Variants in AP4S1 observed in about 807,000 individuals in gnomAD.
AP4S1 encodes AP-4 complex subunit sigma-1.
In AP4S1, 23 loss-of-function variants were observed where a neutral mutation model predicts 19.8. That is an observed-to-expected ratio of 1.16 (90% confidence interval 0.84 to 1.65). The LOEUF (loss-of-function observed/expected upper bound fraction) is 1.65. Ranked by LOEUF, AP4S1 falls within the 40% of genes most tolerant of loss-of-function variation. The pLI, the probability that AP4S1 is intolerant of heterozygous loss-of-function variation, is 0.00. For missense variants in AP4S1, 166 were observed against 172.8 expected (o/e 0.96, Z 0.22); for synonymous variants, 46 against 54.1 (o/e 0.85, Z 0.66).
intron 1 of AP4S1, among the ~76,000 whole-genome samples, chr14:31,051,061 C>G (rs1222197995): frequency 6.6e-6 from 1 of 151,692 alleles, no homozygotes; most frequent in East Asian, 1.9e-4. Flanking sequence ...TCAAAACCAG[C>G]CTAGGCAACA....
chr14:31,026,322 T>A, intron 1 of AP4S1: 2 of 905,270 alleles, frequency 2.2e-6, no homozygotes, highest in Non-Finnish European at 3.0e-6. Context: ...GCTGTGTGCC[T>A]GCCGTGGGTC....
chr14:31,056,929 C>T lies in AP4S1; in HGVS notation c.-71-9197C>T, dbSNP rs529940842. 6.9e-4 allele frequency among the ~76,000 whole-genome samples: 105 copies of T among 152,188 alleles called. 1 individual carries two copies. The highest frequency in any genetic ancestry group is 2.4e-3 in the African/African-American group (101 of 41,544). On this transcript the variant is annotated intron_variant, in intron 1 of 5. Transcript: ENST00000542754. The stretch of plus-strand genomic sequence containing the variant: ...CCTTTACAAAATATACAAAAGTTAG[C>T]TGGGCATGGTGGTGTGCACCTGTAG...
rs1200418646 is a variant in AP4S1 at position 31,058,517 on chromosome 14, CTGTGTGTGTA to C, written c.-71-7599_-71-7590del. 4.1e-3 allele frequency among the ~76,000 whole-genome samples: 578 copies of C among 139,438 alleles called. 7 individuals carry two copies. Among genetic ancestry groups the C allele is most frequent in the African/African-American group, 0.014 (520 of 37,198 alleles). 91.5% of individuals were successfully genotyped at this position (139,438 alleles called of 152,430 possible). On this transcript the variant is annotated intron_variant, in intron 1 of 5. Transcript: ENST00000542754. Reference sequence around the variant, plus strand: ...GGTCATCAAAACATCTTCCCCATCTCTGTGTGTGTATGTGTGTGTGTGTGTGTGTGTGTGT... The same window carrying C: ...GGTCATCAAAACATCTTCCCCATCTCTGTGTGTGTGTGTGTGTGTGTGTGT...
chr14:31,026,617 C>T (rs1237600318), intron 1 of AP4S1: 4 of 160,500 alleles, frequency 2.5e-5, no homozygotes, highest in African/African-American at 9.6e-5. Flanking sequence ...CCCCTAGGCC[C>T]GCCCTCAGAC....
At chr14:31,060,890 C>G (rs1886399198) in intron 1 of AP4S1, among the ~76,000 whole-genome samples, 1 of 147,174 alleles carries the variant, frequency 6.8e-6, no homozygotes. Flanking sequence ...CTTGACTCCA[C>G]TTTTTTTTTT....
At chr14:31,026,089 C>T (rs773800545) in intron 1 of AP4S1, 52 of 1,528,178 alleles carry the variant, frequency 3.4e-5, no homozygotes, top group Non-Finnish European at 4.1e-5. Flanking sequence ...CCGTTCCCCC[C>T]GGGCGAAAGG....
At chr14:31,065,481 C>A (rs1051467296) in intron 1 of AP4S1, among the ~76,000 whole-genome samples, 6 of 92,914 alleles carry the variant, frequency 6.5e-5, no homozygotes, top group Non-Finnish European at 2.3e-5. Flanking sequence ...ATCAGAAGAT[C>A]AGAAGTCCTT....
At chr14:31,029,850 A>C (rs959469711) in intron 1 of AP4S1, among the ~76,000 whole-genome samples, 1 of 141,996 alleles carries the variant, frequency 7.0e-6, no homozygotes, top group Admixed American at 7.1e-5. Context: ...CTTCCCCCAC[A>C]AAAAAAAAAA....
chr14:31,088,265 T>C (rs1244068520), intron 5 of AP4S1, among the ~76,000 whole-genome samples: 4 of 152,094 alleles, frequency 2.6e-5, no homozygotes, highest in Non-Finnish European at 4.4e-5. Flanking sequence ...CACCACCAGG[T>C]CCCTCTGCTT....
Position 31,025,709 on chromosome 14 carries a change from G to C in AP4S1, c.-150G>C. On this transcript the variant is annotated 5_prime_UTR_variant, in exon 1 of 6. Transcript: ENST00000542754. The stretch of plus-strand genomic sequence containing the variant: ...CACCGCGTAGCCAGTGAAGGTTGGG[G>C]AGCAAGCTTATGCGGGAAAGAGGGA... 1 of 818,398 alleles carries C rather than the reference G, an allele frequency of 1.2e-6. No homozygotes were observed. Among genetic ancestry groups the C allele is most frequent in the South Asian group, 1.8e-5 (1 of 55,098 alleles). 50.7% of individuals were successfully genotyped at this position (818,398 alleles called of 1,614,324 possible).
chr14:31,076,630 A>C (rs1393069173), intron 4 of AP4S1, among the ~76,000 whole-genome samples: 8 of 152,174 alleles, frequency 5.3e-5, no homozygotes, highest in Admixed American at 2.0e-4. Flanking sequence ...AATTGTTCCA[A>C]CATCATTTGT....
rs202016594 is a variant in AP4S1, at chr14:31,083,433, A to AGTG, written c.306+2852_306+2854dup. ...CAGGTTTGATCTCACTTGTACTTCCAGTGGTCTAAAAGTAGAGCAGGCAGC... is the reference window on the plus strand; with the variant it reads ...CAGGTTTGATCTCACTTGTACTTCCAGTGGTGGTCTAAAAGTAGAGCAGGCAGC... On this transcript the variant is annotated intron_variant, in intron 5 of 5. Coordinates refer to ENST00000542754, the MANE Select transcript of AP4S1 (RefSeq NM_001128126.3). 5.1e-3 allele frequency: 2,302 copies of AGTG among 449,800 alleles called. 49 individuals carry two copies. Among genetic ancestry groups the AGTG allele is most frequent in the African/African-American group, 0.044 (2,139 of 48,784 alleles). The allele number at this position is 449,800 out of a possible 1,614,324, so 27.9% of individuals were successfully genotyped here.
intron 2 of AP4S1, among the ~76,000 whole-genome samples, chr14:31,068,296 A>G (rs936648262): frequency 6.6e-6 from 1 of 152,356 alleles, no homozygotes; most frequent in Non-Finnish European, 1.5e-5. Flanking sequence ...CTTGTGCATT[A>G]ATTTTGTCAG....
intron 1 of AP4S1, among the ~76,000 whole-genome samples, chr14:31,052,441 T>C (rs1233297755): frequency 1.3e-5 from 2 of 152,026 alleles, no homozygotes; most frequent in South Asian, 2.1e-4. Flanking sequence ...GGTAAAATCA[T>C]TGGCCAAGCA....
intron 3 of AP4S1, among the ~76,000 whole-genome samples, chr14:31,072,277 T>A (rs1336956447): frequency 1.3e-5 from 2 of 152,022 alleles, no homozygotes; most frequent in African/African-American, 4.8e-5. Context: ...GGTCTCATTA[T>A]GTTGGTGAGG....
At chr14:31,082,784 T>G (rs569164292) in intron 5 of AP4S1, among the ~76,000 whole-genome samples, 2 of 151,802 alleles carry the variant, frequency 1.3e-5, no homozygotes, top group Non-Finnish European at 2.9e-5. Flanking sequence ...TAGTCCCAGC[T>G]ACTTGGGAGG....
At chr14:31,033,773 G>T (rs1884555389) in intron 1 of AP4S1, among the ~76,000 whole-genome samples, 1 of 152,170 alleles carries the variant, frequency 6.6e-6, no homozygotes, top group Non-Finnish European at 1.5e-5. Context: ...ATTCTGTGAG[G>T]AAAAGGAAAA....
At chr14:31,032,071 C>CAAAAAAAAAAAAAAA (rs71905676) in intron 1 of AP4S1, among the ~76,000 whole-genome samples, 2 of 110,608 alleles carry the variant, frequency 1.8e-5, no homozygotes. Flanking sequence ...GACCTTGTCC[C>CAAAAAAAAAAAAAAA]AAAAAAAAAA....
chr14:31,057,046 C>T (rs1056703060), intron 1 of AP4S1, among the ~76,000 whole-genome samples: 3 of 152,112 alleles, frequency 2.0e-5, no homozygotes, highest in African/African-American at 7.2e-5. Flanking sequence ...TACACTCCAG[C>T]CTCGGTGACA....
Sources: gnomAD v4.1 joint callset for allele counts (sites outside exome capture counted in the v4.1 genomes callset) on GRCh38, gnomAD v4.1.1 for gene constraint, MANE v1.5 for transcripts, NCBI Gene and HGNC (gene_info 2026-07-23, HGNC 2026-07-21) for gene names.